SCGB2B2: variants seen among roughly 807,000 people sequenced by gnomAD.
The protein encoded by SCGB2B2 is secretoglobin-like protein.
In SCGB2B2, 11 loss-of-function variants were observed where a neutral mutation model predicts 7.6. The ratio of observed to expected loss-of-function variants is 1.45; its 90% CI spans 0.91 to 2.40. SCGB2B2 has a LOEUF of 2.40. Among genes scored for constraint, SCGB2B2 ranks in the 30% most tolerant of loss-of-function variants. SCGB2B2 has a pLI of 0.00. For synonymous variants in SCGB2B2, 50 were observed against 48.6 expected (o/e 1.03, Z -0.12); for missense variants, 104 against 115.4 (o/e 0.90, Z 0.45).
chr19:34,631,114 TG>T (rs1352673303), intron 1 of SCGB2B2, among the ~76,000 whole-genome samples: 8 of 65,992 alleles, frequency 1.2e-4, no homozygotes, highest in African/African-American at 4.8e-4. Flanking sequence ...GGGCCTGTTG[TG>T]GGGTGGGGGG....
intron 1 of SCGB2B2, among the ~76,000 whole-genome samples, chr19:34,601,810 G>A (rs920569775): frequency 6.6e-6 from 1 of 152,028 alleles, no homozygotes; most frequent in Non-Finnish European, 1.5e-5. Context: ...TTATTGCATT[G>A]TAGAATCTCT....
chr19:34,671,090 AT>A (rs2067791733), intron 1 of SCGB2B2, among the ~76,000 whole-genome samples: 1 of 152,098 alleles, frequency 6.6e-6, no homozygotes, highest in African/African-American at 2.4e-5. Context: ...TAAGTTTTGT[AT>A]TTTTAGTAGA....
At chr19:34,624,045 G>T (rs376935839) in intron 1 of SCGB2B2, among the ~76,000 whole-genome samples, 37 of 152,284 alleles carry the variant, frequency 2.4e-4, no homozygotes, top group African/African-American at 8.9e-4. Flanking sequence ...TGGGAAAAGG[G>T]TCAATATGGC....
rs892154481 is a variant in SCGB2B2, at chr19:34,676,017, A to C, written c.-2419T>G. 6.6e-6 allele frequency: 1 copy of C among 152,244 alleles called. No individual in the cohort carries two copies. Among genetic ancestry groups the C allele is most frequent in the Non-Finnish European group, 1.5e-5 (1 of 68,064 alleles). 9.4% of individuals were successfully genotyped at this position (152,244 alleles called of 1,614,324 possible). A position where few individuals can be genotyped will look rare whatever the true frequency, so the allele number is the denominator to read the frequency against. ...AAGAACAAACATCCCACACCTGGGA[A>C]GTAGACCCCAGCGCGGTTGCCGCTG... On this transcript the variant is annotated 5_prime_UTR_variant, in exon 1 of 4. Coordinates refer to ENST00000601241, the MANE Select transcript of SCGB2B2 (RefSeq NM_001025591.4).
chr19:34,659,067 A>T (rs2146122141), intron 1 of SCGB2B2, among the ~76,000 whole-genome samples: 1 of 152,318 alleles, frequency 6.6e-6, no homozygotes, highest in South Asian at 2.1e-4. Flanking sequence ...GATGCAGAAA[A>T]GGCCTTCGAT....
At chr19:34,614,503 CAT>C (rs1343041697) in intron 1 of SCGB2B2, among the ~76,000 whole-genome samples, 1 of 152,226 alleles carries the variant, frequency 6.6e-6, no homozygotes, top group African/African-American at 2.4e-5. Context: ...TGATTCATAT[CAT>C]AAAGTTTATC....
At chr19:34,662,002 C>T (rs1276087072) in intron 1 of SCGB2B2, among the ~76,000 whole-genome samples, 1 of 152,042 alleles carries the variant, frequency 6.6e-6, no homozygotes, top group African/African-American at 2.4e-5. Flanking sequence ...GCCTCAGCCT[C>T]CCAAGTAGCT....
Position 34,665,046 on chromosome 19 carries a change from C to T in SCGB2B2, c.-2032+10584G>A, listed in dbSNP as rs570567597. 4.6e-5 allele frequency among the ~76,000 whole-genome samples: 7 copies of T among 152,296 alleles called. No homozygotes were observed. In the East Asian group the frequency reaches 1.2e-3, roughly 25 times the overall value. On this transcript the variant is annotated intron_variant, in intron 1 of 3. Coordinates refer to ENST00000601241, the MANE Select transcript of SCGB2B2 (RefSeq NM_001025591.4). ...ACCTGGTGGCCCCAAGGCTGCAGCACGGGATGCCTTTCTGACCCTGGACCT... is the reference window on the plus strand; with the variant it reads ...ACCTGGTGGCCCCAAGGCTGCAGCATGGGATGCCTTTCTGACCCTGGACCT...
Position 34,594,625 on chromosome 19 carries a change from T to A in SCGB2B2, c.-62A>T. On this transcript the variant is annotated 5_prime_UTR_variant, in exon 2 of 4. Transcript: ENST00000601241. ...AATTTGGCGATGGGTGAGCTTTATG[T>A]ATATCTGAACAAGGCACATGCCTCT... The A allele has an allele frequency of 7.6e-7, 1 of 1,324,426 alleles. No homozygotes were observed. The highest frequency in any genetic ancestry group is 2.3e-5 in the East Asian group (1 of 43,166). 82.0% of individuals were successfully genotyped at this position (1,324,426 alleles called of 1,614,324 possible).
intron 1 of SCGB2B2, among the ~76,000 whole-genome samples, chr19:34,617,645 A>ACTT (rs1434318608): frequency 6.6e-6 from 1 of 152,130 alleles, no homozygotes; most frequent in Non-Finnish European, 1.5e-5. Flanking sequence ...GGACAATTTG[A>ACTT]CTTCCTCTTT....
At chr19:34,590,628 T>C (rs1005087717), downstream of SCGB2B2, among the ~76,000 whole-genome samples, 3 of 152,244 alleles carry the variant, frequency 2.0e-5, no homozygotes, top group Non-Finnish European at 4.4e-5. Context: ...TACTAAGTTA[T>C]GGCTGAAATT....
intron 1 of SCGB2B2, among the ~76,000 whole-genome samples, chr19:34,670,968 G>A (rs2067788817): frequency 6.6e-6 from 1 of 152,188 alleles, no homozygotes; most frequent in South Asian, 2.1e-4. Flanking sequence ...CTGTCACCCA[G>A]GCTGGAGTGC....
downstream of SCGB2B2, among the ~76,000 whole-genome samples, chr19:34,589,703 C>A (rs1251664247): frequency 6.6e-6 from 1 of 151,904 alleles, no homozygotes; most frequent in Non-Finnish European, 1.5e-5. Context: ...GGGGGTGAGA[C>A]CTACAGTCAT....
intron 1 of SCGB2B2, among the ~76,000 whole-genome samples, chr19:34,654,111 CAA>C (rs2067228082): frequency 6.6e-6 from 1 of 150,852 alleles, no homozygotes; most frequent in Non-Finnish European, 1.5e-5. Flanking sequence ...TTACAAGTGT[CAA>C]AAGTTACAAA....
rs2065439099 is a variant in SCGB2B2 at position 34,595,937 on chromosome 19, A to C, written c.-1374T>G. The C allele has an allele frequency of 6.6e-6, 1 of 152,288 alleles. No individual in the cohort carries two copies. The highest frequency in any genetic ancestry group is 2.4e-5 in the African/African-American group (1 of 41,408). The allele number at this position is 152,288 out of a possible 1,614,324, so 9.4% of individuals were successfully genotyped here. A position where few individuals can be genotyped will look rare whatever the true frequency, so the allele number is the denominator to read the frequency against. On this transcript the variant is annotated 5_prime_UTR_variant, in exon 2 of 4. Transcript: ENST00000601241. ...GGGAGGGTCTGGCTAGGAGCACCTG[A>C]GGGACACGCCCGGTGCAGAGGACAC...
intron 1 of SCGB2B2, among the ~76,000 whole-genome samples, chr19:34,638,868 G>A (rs1346110278): frequency 6.6e-6 from 1 of 152,132 alleles, no homozygotes; most frequent in Non-Finnish European, 1.5e-5. Flanking sequence ...CCCAATAAAA[G>A]GGACCATATC....
Position 34,594,651 on chromosome 19 carries a change from TCG to T in SCGB2B2, c.-90_-89del. On this transcript the variant is annotated 5_prime_UTR_variant, in exon 2 of 4. The change abolishes the stop of an existing upstream ORF in the 5' untranslated region. Transcript: ENST00000601241. ...ATATCTGAACAAGGCACATGCCTCT[TCG>T]TGTGTGTGTGTGTGTGTGTGTGTGT... 1.3e-6 allele frequency: 1 copy of T among 791,632 alleles called. No homozygotes were observed. Among genetic ancestry groups the T allele is most frequent in the Non-Finnish European group, 2.1e-6 (1 of 477,086 alleles). The allele number at this position is 791,632 out of a possible 1,614,324, so 49.0% of individuals were successfully genotyped here. A position where few individuals can be genotyped will look rare whatever the true frequency, so the allele number is the denominator to read the frequency against.
chr19:34,674,411 G>A (rs1367321828), intron 1 of SCGB2B2, among the ~76,000 whole-genome samples: 7 of 152,112 alleles, frequency 4.6e-5, no homozygotes, highest in Non-Finnish European at 8.8e-5. Flanking sequence ...ACTGATTGAA[G>A]AATTTGGAAA....
intron 1 of SCGB2B2, among the ~76,000 whole-genome samples, chr19:34,631,077 A>T (rs2066517921): frequency 1.5e-5 from 2 of 135,238 alleles, no homozygotes; most frequent in Non-Finnish European, 3.1e-5. Context: ...GAACACGTGG[A>T]CACAGGAAGG....
Sources: gnomAD v4.1 joint callset for allele counts (sites outside exome capture counted in the v4.1 genomes callset) on GRCh38, gnomAD v4.1.1 for gene constraint, MANE v1.5 for transcripts, NCBI Gene and HGNC (gene_info 2026-07-23, HGNC 2026-07-21) for gene names.